GRIN3A: variants seen among roughly 807,000 people sequenced by gnomAD.
GRIN3A encodes the protein glutamate ionotropic receptor NMDA type subunit 3A.
A neutral mutation model predicts 92.4 loss-of-function variants in GRIN3A; 47 were observed. The ratio of observed to expected loss-of-function variants is 0.51; its 90% CI spans 0.40 to 0.65. GRIN3A has a LOEUF of 0.65. Among genes scored for constraint, GRIN3A ranks in the 30% least tolerant of loss-of-function variants. The pLI is 0.00. For missense variants in GRIN3A, 1,324 were observed against 1,393.1 expected (o/e 0.95, Z 0.79); for synonymous variants, 527 against 540.6 (o/e 0.97, Z 0.35).
intron 3 of GRIN3A, among the ~76,000 whole-genome samples, chr9:101,658,061 A>C (rs968285390): frequency 1.5e-4 from 23 of 152,054 alleles, no homozygotes; most frequent in African/African-American, 4.8e-4. Flanking sequence ...GTAGGGGAGA[A>C]CATTTTTACT....
chr9:101,695,459 T>C (rs1428500302), intron 1 of GRIN3A, among the ~76,000 whole-genome samples: 1 of 152,120 alleles, frequency 6.6e-6, no homozygotes, highest in Non-Finnish European at 1.5e-5. Flanking sequence ...GGAATGGTGA[T>C]GTAATTTTTG....
intron 5 of GRIN3A, among the ~76,000 whole-genome samples, chr9:101,620,736 T>G (rs1310195790): frequency 6.6e-6 from 1 of 152,118 alleles, no homozygotes; most frequent in Non-Finnish European, 1.5e-5. Context: ...AAAACATTCC[T>G]GTAAACTAAA....
At chr9:101,653,291 A>G (rs1829036995) in intron 3 of GRIN3A, among the ~76,000 whole-genome samples, 1 of 151,412 alleles carries the variant, frequency 6.6e-6, no homozygotes, top group Non-Finnish European at 1.5e-5. Context: ...TATTTTCATA[A>G]TATCATTGTA....
intron 1 of GRIN3A, among the ~76,000 whole-genome samples, chr9:101,700,655 C>G (rs183741751): frequency 2.0e-5 from 3 of 152,216 alleles, no homozygotes; most frequent in Non-Finnish European, 2.9e-5. Context: ...TGTTTAAATG[C>G]TCAACACTGA....
At chr9:101,684,118 C>CTTTTTTTTTT (rs763931757) in intron 2 of GRIN3A, among the ~76,000 whole-genome samples, 1 of 123,798 alleles carries the variant, frequency 8.1e-6, no homozygotes, top group Non-Finnish European at 1.7e-5. Flanking sequence ...TTCTTTCTTT[C>CTTTTTTTTTT]TTTTTTTTTT....
intron 1 of GRIN3A, among the ~76,000 whole-genome samples, chr9:101,697,922 C>T (rs1829703698): frequency 1.3e-5 from 2 of 152,094 alleles, no homozygotes; most frequent in Non-Finnish European, 2.9e-5. Flanking sequence ...AATTTTACCT[C>T]CTGAATTTTA....
intron 1 of GRIN3A, among the ~76,000 whole-genome samples, chr9:101,726,551 A>C (rs1011152167): frequency 6.6e-6 from 1 of 152,172 alleles, no homozygotes; most frequent in Non-Finnish European, 1.5e-5. Context: ...CTTCCTTTGC[A>C]ACAGAACATC....
intron 1 of GRIN3A, among the ~76,000 whole-genome samples, chr9:101,721,658 T>A (rs760018083): frequency 6.6e-6 from 1 of 152,178 alleles, no homozygotes; most frequent in Admixed American, 6.5e-5. Flanking sequence ...CAGTTGAAGA[T>A]GAGCACCATG....
chr9:101,628,520 G>A (rs1828667784), intron 3 of GRIN3A, 119 bp from the exon 4 acceptor site: 2 of 917,562 alleles, frequency 2.2e-6, no homozygotes, highest in Admixed American at 2.1e-5. Context: ...ACCCCCACAG[G>A]CAGAAACATG....
At chr9:101,612,985 T>C (rs917834449) in intron 6 of GRIN3A, among the ~76,000 whole-genome samples, 6 of 152,366 alleles carry the variant, frequency 3.9e-5, no homozygotes, top group African/African-American at 1.4e-4. Context: ...AGCAATGTTT[T>C]GATTAGATTT....
rs1384211425 is a variant in GRIN3A at position 101,660,979 on chromosome 9, A to C, written c.2352+9081T>G. 2.6e-5 allele frequency among the ~76,000 whole-genome samples: 4 copies of C among 151,896 alleles called. No individual in the cohort carries two copies. The East Asian group carries it at 7.8e-4, about 30-fold the overall frequency. ...AGGTTCTGAGGATACAGTGTTAAGC[A>C]AGATAAAGTGGGACAGTTAACAAAC... On this transcript the variant is annotated intron_variant, in intron 3 of 8. Transcript: ENST00000361820.
intron 4 of GRIN3A, 118 bp from the exon 5 acceptor site, chr9:101,623,551 C>G: frequency 1.4e-6 from 1 of 735,114 alleles, no homozygotes; most frequent in Admixed American, 2.0e-5. Flanking sequence ...GCCGCACAAG[C>G]TACCTAGGTG....
intron 4 of GRIN3A, among the ~76,000 whole-genome samples, chr9:101,626,537 G>T (rs192014527): frequency 2.0e-3 from 312 of 152,296 alleles, no homozygotes; most frequent in African/African-American, 6.8e-3. Context: ...TTAAGGCCCA[G>T]AGAGAAGTGG....
At chr9:101,622,675 GAAT>G (rs1451051953) in intron 5 of GRIN3A, among the ~76,000 whole-genome samples, 2 of 152,054 alleles carry the variant, frequency 1.3e-5, no homozygotes, top group Non-Finnish European at 2.9e-5. Context: ...CCAACCAGTG[GAAT>G]AATACTTATT....
At chr9:101,693,408 A>G (rs995577725) in intron 1 of GRIN3A, among the ~76,000 whole-genome samples, 1 of 151,006 alleles carries the variant, frequency 6.6e-6, no homozygotes, top group African/African-American at 2.4e-5. Flanking sequence ...GCAGAGTGAG[A>G]CTCTGTCTAA....
intron 1 of GRIN3A, among the ~76,000 whole-genome samples, chr9:101,712,573 C>A (rs1829892350): frequency 6.6e-6 from 1 of 152,228 alleles, no homozygotes; most frequent in African/African-American, 2.4e-5. Context: ...TTCTAGAACT[C>A]ATCCATAAGA....
intron 3 of GRIN3A, among the ~76,000 whole-genome samples, chr9:101,662,035 G>C (rs970300017): frequency 6.8e-6 from 1 of 146,946 alleles, no homozygotes; most frequent in African/African-American, 2.6e-5. Flanking sequence ...TGATTTTAAG[G>C]TTACTTATAT....
intron 3 of GRIN3A, among the ~76,000 whole-genome samples, chr9:101,644,475 A>AAAAC (rs1828910179): frequency 6.6e-6 from 1 of 151,738 alleles, no homozygotes; most frequent in African/African-American, 2.4e-5. Context: ...AAAAAAAAAA[A>AAAAC]AAACACAGTG....
At chr9:101,635,567 A>G (rs1828774897) in intron 3 of GRIN3A, among the ~76,000 whole-genome samples, 1 of 152,216 alleles carries the variant, frequency 6.6e-6, no homozygotes, top group Non-Finnish European at 1.5e-5. Flanking sequence ...CTTTGCAGGT[A>G]AATAAACAGA....
Sources: gnomAD v4.1 joint callset for allele counts (sites outside exome capture counted in the v4.1 genomes callset) on GRCh38, gnomAD v4.1.1 for gene constraint, MANE v1.5 for transcripts, NCBI Gene and HGNC (gene_info 2026-07-23, HGNC 2026-07-21) for gene names.